The following TM9SF3 variants were observed in gnomAD, a reference collection of about 807,000 sequenced individuals.
TM9SF3 encodes the protein transmembrane 9 superfamily member 3, also known as SM-11044-binding protein.
A neutral mutation model predicts 78.6 loss-of-function variants in TM9SF3; 14 were observed. That is an observed-to-expected ratio of 0.18 (90% CI 0.12 to 0.28). The LOEUF is 0.28. TM9SF3 is among the 10% of genes least tolerant of loss of function. TM9SF3 has a pLI of 1.00. For synonymous variants in TM9SF3, 231 were observed against 241.7 expected, an observed-to-expected ratio of 0.96 and a Z score of 0.41; for missense variants, 496 against 721.9, an observed-to-expected ratio of 0.69 and a Z score of 3.59.
chr10:96,576,412 G>T, intron 2 of TM9SF3: 1 of 334,002 alleles, frequency 3.0e-6, no homozygotes, highest in Non-Finnish European at 5.4e-6. Flanking sequence ...GTTCTCAACT[G>T]ACAGCAATTA....
chr10:96,576,491 A>T, intron 2 of TM9SF3, 143 bp downstream of exon 2: 1 of 746,014 alleles, frequency 1.3e-6, no homozygotes, highest in South Asian at 3.0e-5. Context: ...GGTACAGGCC[A>T]GGGACTCTGC....
At chr10:96,534,507 AACT>A (rs1847932980) in intron 9 of TM9SF3, among the ~76,000 whole-genome samples, 2 of 146,212 alleles carry the variant, frequency 1.4e-5, no homozygotes, top group East Asian at 4.0e-4. Flanking sequence ...CTTTCTTAAT[AACT>A]ACAAGACTCA....
intron 2 of TM9SF3, among the ~76,000 whole-genome samples, chr10:96,572,127 TA>T (rs1218181258): frequency 1.3e-5 from 2 of 152,166 alleles, no homozygotes; most frequent in African/African-American, 4.8e-5. Flanking sequence ...TTCATAATCG[TA>T]AATACAAAAT....
At chr10:96,550,452 A>C (rs117599061) in intron 7 of TM9SF3, among the ~76,000 whole-genome samples, 175 of 152,112 alleles carry the variant, frequency 1.2e-3, no homozygotes, top group Non-Finnish European at 1.9e-3. Flanking sequence ...TTATGAACTA[A>C]AACAGAGGCA....
chr10:96,547,996 A>G lies in TM9SF3; in HGVS notation c.960-7T>C. 1 of 1,578,246 alleles carries G rather than the reference A, an allele frequency of 6.3e-7. No individual in the cohort carries two copies. The highest frequency in any genetic ancestry group is 8.6e-7 in the Non-Finnish European group (1 of 1,166,742). On this transcript the variant is annotated splice_region_variant and splice_polypyrimidine_tract_variant and intron_variant, in intron 7 of 14. Transcript: ENST00000371142. ...ACTGAGCATTGATCCCCTCCTAAAA[A>G]GGCAAAAAAGAAAAAAAAAATTAAA...
intron 14 of TM9SF3, among the ~76,000 whole-genome samples, chr10:96,522,558 A>G (rs1048523929): frequency 4.6e-5 from 7 of 151,934 alleles, no homozygotes; most frequent in African/African-American, 1.7e-4. Context: ...ATCAAGTAGC[A>G]ATTATTTCTT....
At chr10:96,581,829 A>T (rs1848573097) in intron 1 of TM9SF3, among the ~76,000 whole-genome samples, 1 of 152,228 alleles carries the variant, frequency 6.6e-6, no homozygotes, top group East Asian at 1.9e-4. Context: ...AGGCTGAGTA[A>T]ACGATTCTAG....
At chr10:96,568,855 A>T (rs1315509957) in intron 2 of TM9SF3, among the ~76,000 whole-genome samples, 4 of 152,100 alleles carry the variant, frequency 2.6e-5, no homozygotes, top group South Asian at 2.1e-4. Context: ...CCCTTAACAG[A>T]GACAGCATCT....
intron 5 of TM9SF3, among the ~76,000 whole-genome samples, chr10:96,553,838 T>C (rs987279185): frequency 6.6e-6 from 1 of 152,236 alleles, no homozygotes; most frequent in South Asian, 2.1e-4. Flanking sequence ...ACTCAAAATG[T>C]AGCATATCTG....
chr10:96,549,341 GTAT>G (rs1229863319), intron 7 of TM9SF3, among the ~76,000 whole-genome samples: 1 of 151,976 alleles, frequency 6.6e-6, no homozygotes, highest in Non-Finnish European at 1.5e-5. Context: ...TCACCACTTT[GTAT>G]TATTATTTTC....
rs745424345 is a variant in TM9SF3, at chr10:96,559,738, TA to T, written c.583-3del. ...CACATCTGACTTTTTCCATTTTACC[TA>T]AAAAAAATTTTTTCATTTGAAAATA... On this transcript the variant is annotated splice_polypyrimidine_tract_variant and splice_region_variant and intron_variant, in intron 4 of 14. Transcript: ENST00000371142. 71 of 1,542,036 alleles carry T rather than the reference TA, an allele frequency of 4.6e-5. No homozygotes were observed. The highest frequency in any genetic ancestry group is 9.3e-5 in the Admixed American group (5 of 53,552).
chr10:96,550,007 G>C (rs2181842), intron 7 of TM9SF3, among the ~76,000 whole-genome samples: 2 of 152,128 alleles, frequency 1.3e-5, no homozygotes, highest in South Asian at 2.1e-4. Flanking sequence ...CTTGGTAGAT[G>C]TGAAATGTTT....
Position 96,530,622 on chromosome 10 carries a change from AAATT to A in TM9SF3, c.1326-18_1326-15del, listed in dbSNP as rs1847884007. The A allele has an allele frequency of 6.2e-7, 1 of 1,601,162 alleles. No individual in the cohort carries two copies. Among genetic ancestry groups the A allele is most frequent in the Non-Finnish European group, 8.5e-7 (1 of 1,173,520 alleles). On this transcript the variant is annotated splice_polypyrimidine_tract_variant and intron_variant, in intron 10 of 14. Transcript: ENST00000371142. ...GGCTCCATGAACCTGGAAAATATTA[AAATT>A]AATAGTAAACTTCTAGTATGATTTC... is the stretch of plus-strand genomic sequence containing the variant.
chr10:96,533,994 C>T (rs964854521), intron 9 of TM9SF3, among the ~76,000 whole-genome samples: 7 of 152,124 alleles, frequency 4.6e-5, no homozygotes, highest in Admixed American at 2.0e-4. Context: ...AATTGAATCA[C>T]CTCTAAGATG....
At chr10:96,553,087 C>T in intron 5 of TM9SF3, 28 bp from the exon 6 acceptor site, 2 of 1,557,462 alleles carry the variant, frequency 1.3e-6, no homozygotes, top group South Asian at 2.4e-5. Context: ...AAAATGTTAC[C>T]AACCTGCAAT....
chr10:96,553,082 G>T, intron 5 of TM9SF3, 23 bp from the exon 6 acceptor site: 1 of 1,561,618 alleles, frequency 6.4e-7, no homozygotes, highest in South Asian at 1.2e-5. Context: ...AAAATAAAAT[G>T]TTACCAACCT....
At chr10:96,574,397 T>A (rs1848473296) in intron 2 of TM9SF3, among the ~76,000 whole-genome samples, 1 of 152,168 alleles carries the variant, frequency 6.6e-6, no homozygotes, top group South Asian at 2.1e-4. Context: ...CCAGTTAGAA[T>A]GGCGATCATT....
At chr10:96,564,393 C>T (rs1186662394) in intron 3 of TM9SF3, among the ~76,000 whole-genome samples, 1 of 152,222 alleles carries the variant, frequency 6.6e-6, no homozygotes, top group African/African-American at 2.4e-5. Context: ...CTTCCTACCA[C>T]TGTCAGAGCG....
At chr10:96,584,184 A>C (rs149439250) in intron 1 of TM9SF3, among the ~76,000 whole-genome samples, 1 of 152,244 alleles carries the variant, frequency 6.6e-6, no homozygotes, top group Non-Finnish European at 1.5e-5. Context: ...TGATAATTCA[A>C]TTCTACATGT....
Sources: gnomAD v4.1 joint callset for allele counts (sites outside exome capture counted in the v4.1 genomes callset) on GRCh38, gnomAD v4.1.1 for gene constraint, MANE v1.5 for transcripts, NCBI Gene and HGNC (gene_info 2026-07-23, HGNC 2026-07-21) for gene names.